The following LRSAM1 variants were observed in gnomAD, a reference collection of about 807,000 sequenced individuals.
LRSAM1 encodes the protein leucine rich repeat and sterile alpha motif containing 1, also known as E3 ubiquitin-protein ligase LRSAM1.
Under a neutral mutation model 118.1 loss-of-function variants are expected in LRSAM1, and 96 were observed. That is an observed-to-expected ratio of 0.81 (90% CI 0.69 to 0.96). The LOEUF (loss-of-function observed/expected upper bound fraction) is 0.96, where lower values mean the gene tolerates loss of function less well. Ranked by LOEUF, LRSAM1 falls within the 40% of genes least tolerant of loss-of-function variation. The probability of loss-of-function intolerance (pLI) is 0.00; values close to 1 mark genes in which losing one functional copy is unlikely to be tolerated. For synonymous variants in LRSAM1, 322 were observed against 364.2 expected (o/e 0.88, Z 1.32); for missense variants, 804 against 915.5 (o/e 0.88, Z 1.57).
At chr9:127,487,542 G>A (rs960546071) in intron 17 of LRSAM1, 134 bp from the exon 18 acceptor site, 31 of 785,836 alleles carry the variant, frequency 3.9e-5, no homozygotes, top group South Asian at 1.3e-4. Context: ...CCCAGGGCCC[G>A]GCTCCCAGCA....
chr9:127,462,194 G>A, intron 8 of LRSAM1, 58 bp from the exon 9 acceptor site: 1 of 1,610,880 alleles, frequency 6.2e-7, no homozygotes, highest in Non-Finnish European at 8.5e-7. Context: ...CGGGCATCAG[G>A]CAGGAAGCTG....
At position 127,503,094 on chromosome 9, in the gene LRSAM1, A is replaced by G; in HGVS notation, c.*195A>G. ...GGCAGAGGTGCTCCTCATCCATGAC[A>G]CCACCAGTCTGAATGGTCCTGGGGG... On this transcript the variant is annotated 3_prime_UTR_variant, in exon 26 of 26. Transcript: ENST00000300417. The G allele has an allele frequency of 1.4e-6, 1 of 700,248 alleles. No homozygotes were observed. Among genetic ancestry groups the G allele is most frequent in the South Asian group, 1.8e-5 (1 of 56,236 alleles). 43.4% of individuals were successfully genotyped at this position (700,248 alleles called of 1,614,324 possible).
At chr9:127,489,035 T>C (rs556992473) in intron 18 of LRSAM1, among the ~76,000 whole-genome samples, 4 of 152,324 alleles carry the variant, frequency 2.6e-5, no homozygotes, top group Admixed American at 6.5e-5. Context: ...TGACTTAGTA[T>C]CTGTGGAGCT....
At chr9:127,491,989 G>C (rs1438295107) in intron 20 of LRSAM1, among the ~76,000 whole-genome samples, 4 of 152,228 alleles carry the variant, frequency 2.6e-5, no homozygotes, top group Admixed American at 6.5e-5. Context: ...AGTTTGAGCA[G>C]AGCCTTCGGT....
rs772168876 is a variant in LRSAM1 at position 127,491,310 on chromosome 9, C to T, written c.1503+15C>T. On this transcript the variant is annotated intron_variant, in intron 20 of 25. Coordinates refer to ENST00000300417, the MANE Select transcript of LRSAM1 (RefSeq NM_001005373.4). ...AGTCACTCCAGGTATGTAGGGCTCCCTGCCCCTGCCCTCCTTCACGTGGTG... is the reference window on the plus strand; with the variant it reads ...AGTCACTCCAGGTATGTAGGGCTCCTTGCCCCTGCCCTCCTTCACGTGGTG... 2 of 1,604,972 alleles carry T rather than the reference C, an allele frequency of 1.2e-6. No individual in the cohort carries two copies. Among genetic ancestry groups the T allele is most frequent in the East Asian group, 4.5e-5 (2 of 44,844 alleles).
intron 13 of LRSAM1, 138 bp from the exon 14 acceptor site, chr9:127,479,701 C>T: frequency 1.5e-6 from 2 of 1,349,272 alleles, no homozygotes; most frequent in Non-Finnish European, 2.0e-6. Context: ...CTGTAGCCTA[C>T]TGGGAGGAGC....
At chr9:127,461,293 A>G in intron 8 of LRSAM1, 36 bp downstream of exon 8, 1 of 1,586,652 alleles carries the variant, frequency 6.3e-7, no homozygotes, top group East Asian at 2.3e-5. Context: ...GTGACCCTCC[A>G]TCAGCTCTGG....
At chr9:127,471,147 T>C (rs1835152332) in intron 10 of LRSAM1, among the ~76,000 whole-genome samples, 1 of 151,998 alleles carries the variant, frequency 6.6e-6, no homozygotes, top group Non-Finnish European at 1.5e-5. Flanking sequence ...CCCTGGCCAA[T>C]GGCTGAGCTA....
Position 127,473,783 on chromosome 9 carries a change from G to C in LRSAM1, c.620-18G>C. ...CTGTCTCCTCCCTCCTGGTCAGCTT[G>C]TGTCCCGTCTCTTACAGAGTCAGGG... On this transcript the variant is annotated intron_variant, in intron 10 of 25. Coordinates refer to ENST00000300417, the MANE Select transcript of LRSAM1 (RefSeq NM_001005373.4). The C allele has an allele frequency of 2.5e-6, 4 of 1,614,132 alleles. No individual in the cohort carries two copies. The highest frequency in any genetic ancestry group is 3.4e-6 in the Non-Finnish European group (4 of 1,179,980).
In LRSAM1 at chr9:127,462,737, C is replaced by T. The variant is rs573800234; in HGVS notation, c.528+364C>T. ...AGCTAATGGATGCTGGGCTTCAAACCTGGGTGATGGGACGATCTGTGCAGC... is the reference window on the plus strand; with the variant it reads ...AGCTAATGGATGCTGGGCTTCAAACTTGGGTGATGGGACGATCTGTGCAGC... On this transcript the variant is annotated intron_variant, in intron 9 of 25. Transcript: ENST00000300417. Among the ~76,000 whole-genome samples, 10 of 151,942 alleles carry T rather than the reference C, an allele frequency of 6.6e-5. No homozygotes were observed. The South Asian group carries it at 1.7e-3, about 25-fold the overall frequency.
chr9:127,493,462 G>A (rs1420163891), intron 21 of LRSAM1, among the ~76,000 whole-genome samples: 2 of 152,196 alleles, frequency 1.3e-5, no homozygotes, highest in South Asian at 2.1e-4. Flanking sequence ...TACCCTTTTC[G>A]AGCAGCCTGT....
chr9:127,488,513 C>T (rs895870437), intron 18 of LRSAM1, among the ~76,000 whole-genome samples: 2 of 152,122 alleles, frequency 1.3e-5, no homozygotes, highest in Non-Finnish European at 2.9e-5. Flanking sequence ...CCACCCACCT[C>T]GGCCTCCCAA....
At chr9:127,487,348 C>T in intron 17 of LRSAM1, 1 of 358,390 alleles carries the variant, frequency 2.8e-6, no homozygotes, top group East Asian at 6.8e-5. Flanking sequence ...CCATGGGAGT[C>T]AGGAGCTCCC....
At chr9:127,456,320 G>A (rs906691306) in intron 5 of LRSAM1, among the ~76,000 whole-genome samples, 5 of 149,158 alleles carry the variant, frequency 3.4e-5, no homozygotes, top group African/African-American at 9.9e-5. Flanking sequence ...TGAAACCTCC[G>A]CCTCCTGGGT....
chr9:127,470,244 C>T lies in LRSAM1; in HGVS notation c.619+2414C>T, dbSNP rs141923716. Among the ~76,000 whole-genome samples the T allele has an allele frequency of 1.3e-3, 192 of 152,166 alleles. 1 individual carries two copies. Among genetic ancestry groups the T allele is most frequent in the African/African-American group, 4.1e-3 (172 of 41,540 alleles). On this transcript the variant is annotated intron_variant, in intron 10 of 25. Coordinates refer to ENST00000300417, the MANE Select transcript of LRSAM1 (RefSeq NM_001005373.4). ...TTATAAAGAAAAGAAGTTTAATTGA[C>T]TCACAGTTTCACATGGCCGGGAGGC... is the stretch of plus-strand genomic sequence containing the variant.
intron 2 of LRSAM1, among the ~76,000 whole-genome samples, chr9:127,452,459 G>T (rs186712811): frequency 6.6e-6 from 1 of 152,178 alleles, no homozygotes; most frequent in African/African-American, 2.4e-5. Flanking sequence ...TGCCATCTTT[G>T]CCCATCCCTC....
At chr9:127,492,279 G>A (rs1003947785) in intron 20 of LRSAM1, among the ~76,000 whole-genome samples, 1 of 152,238 alleles carries the variant, frequency 6.6e-6, no homozygotes, top group Non-Finnish European at 1.5e-5. Context: ...CCAGAGATGA[G>A]GGGACTGGGA....
chr9:127,500,026 TAG>T (rs1836317406), intron 24 of LRSAM1, among the ~76,000 whole-genome samples: 1 of 151,704 alleles, frequency 6.6e-6, no homozygotes, highest in Non-Finnish European at 1.5e-5. Context: ...GAACGAGGGA[TAG>T]AGTCAAGGAA....
At chr9:127,498,511 G>A (rs534834402) in intron 24 of LRSAM1, among the ~76,000 whole-genome samples, 2 of 152,258 alleles carry the variant, frequency 1.3e-5, no homozygotes, top group African/African-American at 4.8e-5. Context: ...CCTCAGGACC[G>A]GCTGCTTCTC....
Sources: gnomAD v4.1 joint callset for allele counts (sites outside exome capture counted in the v4.1 genomes callset) on GRCh38, gnomAD v4.1.1 for gene constraint, MANE v1.5 for transcripts, NCBI Gene and HGNC (gene_info 2026-07-23, HGNC 2026-07-21) for gene names.